The following DMRT1 variants were observed in gnomAD, a reference collection of about 807,000 sequenced individuals.
The protein encoded by DMRT1 is doublesex and mab-3 related transcription factor 1.
In DMRT1, 7 loss-of-function variants were observed where a neutral mutation model predicts 32.3. The ratio of observed to expected loss-of-function variants is 0.22; its 90% CI spans 0.12 to 0.41. The LOEUF (loss-of-function observed/expected upper bound fraction) is 0.41, where lower values mean the gene tolerates loss of function less well. Among genes scored for constraint, DMRT1 ranks in the 10% least tolerant of loss-of-function variants. DMRT1 has a pLI of 1.00. For synonymous variants in DMRT1, 278 were observed against 206.1 expected (o/e 1.35, Z -2.99); for missense variants, 625 against 500.5 (o/e 1.25, Z -2.37).
Position 860,153 on chromosome 9 carries a change from C to T in DMRT1, c.538+13010C>T, listed in dbSNP as rs959756025. ...CTCTACTAAAAATACAAAAATTAGC[C>T]GGGCGTGGTGGCGCATGCCTGTAGT... On this transcript the variant is annotated intron_variant, in intron 2 of 4. Transcript: ENST00000382276. Among the ~76,000 whole-genome samples, 7 of 152,118 alleles carry T rather than the reference C, an allele frequency of 4.6e-5. No individual in the cohort carries two copies. The East Asian group carries it at 7.7e-4, about 17-fold the overall frequency.
At chr9:883,923 C>T (rs1329518235) in intron 2 of DMRT1, among the ~76,000 whole-genome samples, 2 of 152,008 alleles carry the variant, frequency 1.3e-5, no homozygotes, top group Non-Finnish European at 1.5e-5. Flanking sequence ...TGGTATGTAA[C>T]TCTTAAAACT....
intron 2 of DMRT1, among the ~76,000 whole-genome samples, chr9:865,266 A>G (rs1681286643): frequency 1.3e-5 from 2 of 152,188 alleles, no homozygotes; most frequent in Non-Finnish European, 2.9e-5. Context: ...GAAAGAACCT[A>G]AGATCTGGAG....
Position 968,502 on chromosome 9 carries a change from A to G in DMRT1, c.*363A>G. 1 of 162,874 alleles carries G rather than the reference A, an allele frequency of 6.1e-6. No homozygotes were observed. Among genetic ancestry groups the G allele is most frequent in the African/African-American group, 2.7e-5 (1 of 36,922 alleles). 10.1% of individuals were successfully genotyped at this position (162,874 alleles called of 1,614,324 possible). A position where few individuals can be genotyped will look rare whatever the true frequency, so the allele number is the denominator to read the frequency against. On this transcript the variant is annotated 3_prime_UTR_variant, in exon 5 of 5. Coordinates refer to ENST00000382276, the MANE Select transcript of DMRT1 (RefSeq NM_021951.3). ...ACTTTTAGTTTTAAAATGAAATCTT[A>G]GGTGCCTTAGGGGTTTTTTTTTTTT... is the stretch of plus-strand genomic sequence containing the variant.
intron 3 of DMRT1, among the ~76,000 whole-genome samples, chr9:895,334 T>C (rs1036245713): frequency 6.6e-6 from 1 of 152,194 alleles, no homozygotes; most frequent in Non-Finnish European, 1.5e-5. Flanking sequence ...TGTGGGAATA[T>C]GTAGGTGAAA....
chr9:919,232 T>G (rs1354292155), intron 4 of DMRT1, among the ~76,000 whole-genome samples: 2 of 152,244 alleles, frequency 1.3e-5, no homozygotes. Flanking sequence ...GTGTTTTCAG[T>G]AGGTTTAATG....
chr9:868,871 A>C (rs1424195933), intron 2 of DMRT1, among the ~76,000 whole-genome samples: 1 of 152,094 alleles, frequency 6.6e-6, no homozygotes, highest in Non-Finnish European at 1.5e-5. Context: ...TTAGCTGGGT[A>C]TGGTGGCACA....
chr9:861,835 G>T (rs191644708), intron 2 of DMRT1, among the ~76,000 whole-genome samples: 1 of 148,342 alleles, frequency 6.7e-6, no homozygotes, highest in African/African-American at 2.5e-5. Context: ...CGGGGCGGCC[G>T]GTCAGAGACG....
chr9:871,593 T>A (rs867154772), intron 2 of DMRT1, among the ~76,000 whole-genome samples: 5 of 133,470 alleles, frequency 3.7e-5, no homozygotes, highest in East Asian at 4.4e-4. Context: ...CGCCCGCCTC[T>A]GCCTCCCAAA....
In DMRT1 at chr9:958,917, T is replaced by C. The variant is rs796971601; in HGVS notation, c.968-9068T>C. 1.8e-4 allele frequency among the ~76,000 whole-genome samples: 28 copies of C among 152,338 alleles called. 1 individual carries two copies. Among genetic ancestry groups the C allele is most frequent in the African/African-American group, 6.5e-4 (27 of 41,582 alleles). On this transcript the variant is annotated intron_variant, in intron 4 of 4. Transcript: ENST00000382276. The stretch of plus-strand genomic sequence containing the variant: ...GACTCCAAAACTGTAATCCTTTTTC[T>C]TAGCCTTAACGAGATGCCCATCAAG...
intron 2 of DMRT1, among the ~76,000 whole-genome samples, chr9:882,792 C>T (rs1816783745): frequency 7.5e-6 from 1 of 133,362 alleles, no homozygotes; most frequent in Non-Finnish European, 1.5e-5. Flanking sequence ...CTGTCTGAGA[C>T]AGTCTCACTC....
intron 2 of DMRT1, among the ~76,000 whole-genome samples, chr9:866,163 CAAAAAA>C (rs71327351): frequency 3.8e-5 from 2 of 52,666 alleles, no homozygotes; most frequent in Non-Finnish European, 6.2e-5. Context: ...GAGTCCATCT[CAAAAAA>C]AAAAAAAAAA....
intron 1 of DMRT1, 38 bp downstream of exon 1, chr9:842,230 G>GTTTTTGT (rs1838715373): frequency 1.0e-6 from 1 of 965,718 alleles, no homozygotes; most frequent in African/African-American, 2.4e-5. Context: ...TTCAGCCTTA[G>GTTTTTGT]TTTTTTTTTT....
chr9:913,301 A>G (rs750396595), intron 3 of DMRT1, among the ~76,000 whole-genome samples: 14 of 152,324 alleles, frequency 9.2e-5, no homozygotes, highest in African/African-American at 2.2e-4. Flanking sequence ...GGGAGGCTCC[A>G]TTATTTATAT....
At chr9:862,389 C>T (rs1336086558) in intron 2 of DMRT1, among the ~76,000 whole-genome samples, 1 of 151,900 alleles carries the variant, frequency 6.6e-6, no homozygotes, top group Non-Finnish European at 1.5e-5. Flanking sequence ...CAGTCCCAGG[C>T]ACGCGGCAGG....
At chr9:927,485 G>T (rs1056623768) in intron 4 of DMRT1, among the ~76,000 whole-genome samples, 1 of 152,162 alleles carries the variant, frequency 6.6e-6, no homozygotes, top group Non-Finnish European at 1.5e-5. Context: ...GCGCGGTGGC[G>T]TTTACACTAG....
chr9:847,968 G>C (rs12002282), intron 2 of DMRT1, among the ~76,000 whole-genome samples: 2,482 of 152,330 alleles, frequency 0.016, 75 homozygotes, highest in African/African-American at 0.056. Flanking sequence ...CTCTTAGAAA[G>C]TCTAATTCGA....
intron 3 of DMRT1, 48 bp downstream of exon 3, chr9:894,243 A>G (rs1387379022): frequency 3.1e-6 from 5 of 1,594,194 alleles, no homozygotes; most frequent in Non-Finnish European, 4.3e-6. Context: ...TGAAAGCCAC[A>G]TGCATGTGCA....
intron 4 of DMRT1, among the ~76,000 whole-genome samples, chr9:922,398 G>A (rs1818383965): frequency 6.6e-6 from 1 of 152,170 alleles, no homozygotes; most frequent in Non-Finnish European, 1.5e-5. Flanking sequence ...TCGGGAAGTG[G>A]TAGTGGGAAC....
chr9:916,544 G>A (rs1264964496), intron 3 of DMRT1, among the ~76,000 whole-genome samples: 1 of 151,884 alleles, frequency 6.6e-6, no homozygotes, highest in Admixed American at 6.6e-5. Context: ...ACAATTTTTT[G>A]ATTTTTATGT....
Sources: gnomAD v4.1 joint callset for allele counts (sites outside exome capture counted in the v4.1 genomes callset) on GRCh38, gnomAD v4.1.1 for gene constraint, MANE v1.5 for transcripts, NCBI Gene and HGNC (gene_info 2026-07-23, HGNC 2026-07-21) for gene names.